The following CFAP36 variants were observed in gnomAD, a reference collection of about 807,000 sequenced individuals.
CFAP36 encodes cilia- and flagella-associated protein 36.
CFAP36 carries 37 observed loss-of-function variants against 50.5 expected under a neutral mutation model. That is an observed-to-expected ratio of 0.73 (90% CI 0.56 to 0.96). The LOEUF is 0.96. Ranked by LOEUF, CFAP36 falls within the 50% of genes least tolerant of loss-of-function variation. CFAP36 has a pLI of 0.00. For missense variants in CFAP36, 407 were observed against 396.2 expected, an observed-to-expected ratio of 1.03 and a Z score of -0.23; for synonymous variants, 138 against 128.2, an observed-to-expected ratio of 1.08 and a Z score of -0.52.
At chr2:55,543,790 C>T in intron 7 of CFAP36, 148 bp from the exon 8 acceptor site, 1 of 765,066 alleles carries the variant, frequency 1.3e-6, no homozygotes, top group Non-Finnish European at 2.2e-6. Context: ...CAGTGGCTGG[C>T]ACAGTATAGG....
chr2:55,527,498 C>G (rs1684240349), intron 3 of CFAP36, among the ~76,000 whole-genome samples: 1 of 152,142 alleles, frequency 6.6e-6, no homozygotes, highest in Non-Finnish European at 1.5e-5. Context: ...AAGAGAATCG[C>G]TTGAACCTGG....
intron 7 of CFAP36, among the ~76,000 whole-genome samples, chr2:55,538,053 T>C (rs1684539077): frequency 6.6e-6 from 1 of 152,320 alleles, no homozygotes; most frequent in East Asian, 1.9e-4. Context: ...ATCTTTGAAA[T>C]CAAAATTTAT....
At chr2:55,535,994 C>A in intron 6 of CFAP36, 2 of 740,420 alleles carry the variant, frequency 2.7e-6, no homozygotes, top group Non-Finnish European at 1.9e-6. Flanking sequence ...AGTACAAACA[C>A]CACATAGTAC....
At position 55,544,354 on chromosome 2, in the gene CFAP36, C is replaced by A. The variant is rs779779814; in HGVS notation, c.912C>A (p.Pro304=). The part of the protein sequence containing the change: ...QIQNMEQKGK[P]TGEVEEMTEK... The stretch of plus-strand genomic sequence containing the variant: ...AAAATATGGAGCAGAAAGGAAAACC[C>A]ACTGGGGAGGTAGAGGTATGGCTAG... The change falls in exon 9 of 10, where the codon CCC becomes CCA. Residue 304 remains proline (P), a synonymous_variant. Transcript: ENST00000349456. The A allele has an allele frequency of 4.3e-6, 7 of 1,612,244 alleles. No individual in the cohort carries two copies. Among genetic ancestry groups the A allele is most frequent in the Non-Finnish European group, 5.9e-6 (7 of 1,179,484 alleles).
Position 55,533,922 on chromosome 2 carries a change from T to G in CFAP36, c.447T>G (p.Leu149=). The part of the protein sequence containing the change: ...LTDGSDVVSD[L]EHEEMKILRE... ...ATGGCTCTGATGTGGTCAGTGACCTTGAACACGAAGAGATGAAAATCCTGA... is the reference window on the plus strand; with the variant it reads ...ATGGCTCTGATGTGGTCAGTGACCTGGAACACGAAGAGATGAAAATCCTGA... Residue 149 remains leucine, a synonymous_variant, in exon 5 of 10, where the codon CTT becomes CTG. Transcript: ENST00000349456. 6.2e-7 allele frequency: 1 copy of G among 1,611,526 alleles called. No individual in the cohort carries two copies. Among genetic ancestry groups the G allele is most frequent in the Non-Finnish European group, 8.5e-7 (1 of 1,178,518 alleles).
chr2:55,531,897 T>A (rs1463409544), intron 4 of CFAP36, among the ~76,000 whole-genome samples: 1 of 152,192 alleles, frequency 6.6e-6, no homozygotes, highest in Non-Finnish European at 1.5e-5. Flanking sequence ...AAAAGCTGGC[T>A]TCTATTAGCA....
chr2:55,523,844 G>C (rs746059717), intron 3 of CFAP36, 22 bp downstream of exon 3: 111 of 1,476,074 alleles, frequency 7.5e-5, no homozygotes, highest in Non-Finnish European at 1.0e-4. Flanking sequence ...GTGTTATTCT[G>C]CTAACATACA....
At chr2:55,542,828 C>CTT (rs765029277) in intron 7 of CFAP36, among the ~76,000 whole-genome samples, 5 of 152,158 alleles carry the variant, frequency 3.3e-5, no homozygotes, top group Non-Finnish European at 5.9e-5. Context: ...TGTTTTACCT[C>CTT]TATCTTTATT....
intron 3 of CFAP36, among the ~76,000 whole-genome samples, chr2:55,525,487 T>TC (rs1484554909): frequency 6.6e-6 from 1 of 152,132 alleles, no homozygotes; most frequent in Non-Finnish European, 1.5e-5. Context: ...TGGCATCTCA[T>TC]CTTCTACTAA....
At chr2:55,524,936 G>A (rs959610333) in intron 3 of CFAP36, among the ~76,000 whole-genome samples, 5 of 151,634 alleles carry the variant, frequency 3.3e-5, no homozygotes, top group East Asian at 2.0e-4. Flanking sequence ...AGCCAAGATC[G>A]CGCCATTGCA....
At chr2:55,525,997 C>A (rs558188207) in intron 3 of CFAP36, among the ~76,000 whole-genome samples, 1 of 152,334 alleles carries the variant, frequency 6.6e-6, no homozygotes, top group Admixed American at 6.5e-5. Context: ...AATGTATGGT[C>A]CCCTCCCCAG....
rs1010798593 is a variant in CFAP36 at position 55,544,381 on chromosome 2, C to T, written c.927+12C>T. ...CTGGGGAGGTAGAGGTATGGCTAGC[C>T]TTAATATGTCAAGATTTACAAATCT... On this transcript the variant is annotated intron_variant, in intron 9 of 9. Coordinates refer to ENST00000349456, the MANE Select transcript of CFAP36 (RefSeq NM_080667.7). 1.9e-6 allele frequency: 3 copies of T among 1,590,356 alleles called. No individual in the cohort carries two copies. Among genetic ancestry groups the T allele is most frequent in the Non-Finnish European group, 2.6e-6 (3 of 1,172,700 alleles).
At chr2:55,534,548 G>A (rs893548419) in intron 5 of CFAP36, among the ~76,000 whole-genome samples, 2 of 152,158 alleles carry the variant, frequency 1.3e-5, no homozygotes, top group Admixed American at 1.3e-4. Flanking sequence ...AAATGGTAAT[G>A]GACATTTCTT....
chr2:55,526,347 T>C (rs995660617), intron 3 of CFAP36, among the ~76,000 whole-genome samples: 3 of 152,202 alleles, frequency 2.0e-5, no homozygotes, highest in Non-Finnish European at 2.9e-5. Context: ...CTAGAAGAGG[T>C]TGCCTTGACT....
chr2:55,544,805 A>G, intron 9 of CFAP36, 102 bp from the exon 10 acceptor site: 1 of 690,728 alleles, frequency 1.4e-6, no homozygotes, highest in Middle Eastern at 2.5e-4. Context: ...TCCGTCCCAC[A>G]AGAAGGTGCC....
At chr2:55,534,492 TG>T (rs1684431704) in intron 5 of CFAP36, among the ~76,000 whole-genome samples, 1 of 152,214 alleles carries the variant, frequency 6.6e-6, no homozygotes, top group Non-Finnish European at 1.5e-5. Flanking sequence ...GCCAAATGCC[TG>T]GCAAAGAGTG....
chr2:55,523,097 C>CA (rs1171309942), intron 2 of CFAP36, among the ~76,000 whole-genome samples: 41,298 of 107,286 alleles, frequency 0.38, 8,931 homozygotes, highest in Non-Finnish European at 0.47. Flanking sequence ...GACTCTGTCT[C>CA]AAAAAAAAAA....
intron 6 of CFAP36, among the ~76,000 whole-genome samples, chr2:55,536,367 G>A (rs370471237): frequency 1.4e-4 from 21 of 151,686 alleles, no homozygotes; most frequent in African/African-American, 4.6e-4. Context: ...TCCTGACCTC[G>A]TGATCTGCCC....
chr2:55,542,226 A>G (rs1235562227), intron 7 of CFAP36, among the ~76,000 whole-genome samples: 3 of 152,252 alleles, frequency 2.0e-5, no homozygotes, highest in African/African-American at 4.8e-5. Flanking sequence ...GTGAAGCTAT[A>G]GAAAACTTGA....
Sources: allele counts gnomAD v4.1 joint callset (sites outside exome capture counted in the v4.1 genomes callset), GRCh38; gene constraint gnomAD v4.1.1; transcripts MANE v1.5; gene names NCBI Gene and HGNC (gene_info 2026-07-23, HGNC 2026-07-21).